Variants in H2BC12 observed in about 807,000 individuals in gnomAD.
H2BC12 encodes histone H2B type 1-K.
A neutral mutation model predicts 6.3 loss-of-function variants in H2BC12; 6 were observed. The observed-to-expected ratio is 0.95, with a 90% CI of 0.52 to 1.87. The LOEUF is 1.87. H2BC12 is among the 40% of genes most tolerant of loss of function. The pLI, the probability that H2BC12 is intolerant of heterozygous loss-of-function variation, is 0.01. For missense variants in H2BC12, 119 were observed against 178.4 expected (o/e 0.67, Z 1.90); for synonymous variants, 132 against 78.5 (o/e 1.68, Z -3.60).
downstream of H2BC12, among the ~76,000 whole-genome samples, chr6:27,142,334 G>A (rs1489222919): frequency 6.6e-6 from 1 of 152,042 alleles, no homozygotes; most frequent in Non-Finnish European, 1.5e-5. Flanking sequence ...GTACAATGGT[G>A]TGATCTCGGC....
chr6:27,145,240 T>C (rs1332182651), downstream of H2BC12, among the ~76,000 whole-genome samples: 1 of 151,670 alleles, frequency 6.6e-6, no homozygotes, highest in Non-Finnish European at 1.5e-5. Context: ...TCCAAATGCC[T>C]AAGGGCGGGC....
chr6:27,139,667 G>GC, the H2BC12 span: 15 of 1,544,584 alleles, frequency 9.7e-6, no homozygotes, highest in Non-Finnish European at 1.3e-5. Flanking sequence ...CCTTTTTAGG[G>GC]CCCCTAAGCT....
chr6:27,140,082 A>T, the H2BC12 span, among the ~76,000 whole-genome samples: 1 of 151,966 alleles, frequency 6.6e-6, no homozygotes, highest in Non-Finnish European at 1.5e-5. Flanking sequence ...AGAGCTCTGC[A>T]TGGGGGGGAG....
downstream of H2BC12, among the ~76,000 whole-genome samples, chr6:27,142,455 A>G (rs141134616): frequency 2.5e-4 from 38 of 150,584 alleles, no homozygotes; most frequent in Non-Finnish European, 4.0e-4. Context: ...TTGTATTTTA[A>G]GTAGAGACAT....
chr6:27,145,338 A>ACACACACACACAC (rs60765842), downstream of H2BC12, among the ~76,000 whole-genome samples: 1 of 148,526 alleles, frequency 6.7e-6, no homozygotes, highest in Non-Finnish European at 1.5e-5. Flanking sequence ...ACACACACAC[A>ACACACACACACAC]AAATTCCCCT....
chr6:27,139,687 AG>A, the H2BC12 span: 1 of 1,523,716 alleles, frequency 6.6e-7, no homozygotes, highest in Non-Finnish European at 8.8e-7. Flanking sequence ...TTTCAACAAA[AG>A]AGTTGAAATG....
downstream of H2BC12, among the ~76,000 whole-genome samples, chr6:27,145,007 T>C (rs1437615283): frequency 6.6e-6 from 1 of 152,116 alleles, no homozygotes; most frequent in Non-Finnish European, 1.5e-5. Context: ...ATGTTAGCCA[T>C]GCTGGTTTTG....
chr6:27,145,213 A>G (rs1284803907), downstream of H2BC12, among the ~76,000 whole-genome samples: 1 of 152,122 alleles, frequency 6.6e-6, no homozygotes, highest in East Asian at 1.9e-4. Context: ...AAGTTTTTCA[A>G]TATGACCCTG....
downstream of H2BC12, among the ~76,000 whole-genome samples, chr6:27,143,846 T>TAAAAAAAAAAAAAAAA (rs34292040): frequency 2.6e-5 from 3 of 113,626 alleles, no homozygotes; most frequent in African/African-American, 1.0e-4. Flanking sequence ...AACTACTCTT[T>TAAAAAAAAAAAAAAAA]AAAAAAAAAA....
At chr6:27,140,691 G>A in the H2BC12 span, among the ~76,000 whole-genome samples, 1 of 151,966 alleles carries the variant, frequency 6.6e-6, no homozygotes, top group South Asian at 2.1e-4. Flanking sequence ...GTGCTTGAGA[G>A]TTATTGTTTA....
At chr6:27,145,295 T>TACACAC (rs57882884), downstream of H2BC12, among the ~76,000 whole-genome samples, 16,346 of 142,530 alleles carry the variant, frequency 0.11, 1,100 homozygotes, top group Non-Finnish European at 0.16. Context: ...ATATGTTAAA[T>TACACAC]ACACACACAC....
At position 27,146,554 on chromosome 6, in the gene H2BC12, G is replaced by A; in HGVS notation, c.245C>T (p.Ala82Val). The change falls in exon 1 of 1, where the codon GCG (alanine) becomes GTG (valine). Residue 82 changes from alanine to valine, a missense_variant. This residue lies in a region of H2BC12 where 69 missense variants were observed against 141.0 expected (regional missense o/e 0.49). Transcript: ENST00000356950. ...GATGGTCGAGCGCTTGTTGTAATGC[G>A]CCAGGCGGGAAGCCTCACCCGCGAT... ...ERIAGEASRLAHYNKRSTITS... is the reference protein window; with the variant it reads ...ERIAGEASRLVHYNKRSTITS... 3 of 1,614,236 alleles carry A rather than the reference G, an allele frequency of 1.9e-6. No homozygotes were observed. Among genetic ancestry groups the A allele is most frequent in the Non-Finnish European group, 2.5e-6 (3 of 1,180,050 alleles).
At chr6:27,140,432 G>A in the H2BC12 span, among the ~76,000 whole-genome samples, 1 of 152,188 alleles carries the variant, frequency 6.6e-6, no homozygotes, top group African/African-American at 2.4e-5. Flanking sequence ...AAATATATCC[G>A]TGTTGAAATG....
chr6:27,146,564 A>T lies in H2BC12; in HGVS notation c.235T>A (p.Ser79Thr). The T allele has an allele frequency of 6.2e-7, 1 of 1,614,194 alleles. No homozygotes were observed. Among genetic ancestry groups the T allele is most frequent in the Non-Finnish European group, 8.5e-7 (1 of 1,180,036 alleles). The stretch of plus-strand genomic sequence containing the variant: ...CGCTTGTTGTAATGCGCCAGGCGGG[A>T]AGCCTCACCCGCGATGCGTTCGAAG... ...DIFERIAGEASRLAHYNKRST... is the reference protein window; with the variant it reads ...DIFERIAGEATRLAHYNKRST... Residue 79 changes from serine to threonine, a missense_variant, in exon 1 of 1, where the codon TCC (serine) becomes ACC (threonine). By Grantham distance (58) the Ser-to-Thr change is moderately conservative. Around this residue, in one of 2 missense-constraint regions of H2BC12, gnomAD observed 69 missense variants for 141.0 expected, o/e 0.49. Transcript: ENST00000356950.
chr6:27,144,948 C>T (rs1041594036), downstream of H2BC12, among the ~76,000 whole-genome samples: 3 of 152,048 alleles, frequency 2.0e-5, no homozygotes, highest in Non-Finnish European at 1.5e-5. Flanking sequence ...CACATGCTAC[C>T]ACGCCCCCCC....
chr6:27,144,221 G>A (rs1353001948), downstream of H2BC12, among the ~76,000 whole-genome samples: 2 of 152,120 alleles, frequency 1.3e-5, no homozygotes, highest in Non-Finnish European at 1.5e-5. Flanking sequence ...TAGCACTTTA[G>A]GAGGCCGAGG....
At position 27,146,611 on chromosome 6, in the gene H2BC12, A is replaced by G. The variant is rs1398175019; in HGVS notation, c.188T>C (p.Met63Thr). Residue 63 changes from methionine to threonine, a missense_variant, in exon 1 of 1, where the codon ATG becomes ACG. By Grantham distance (81) the Met-to-Thr change is moderately conservative. Transcript: ENST00000356950. Reference protein sequence around the residue: ...TGISSKAMGIMNSFVNDIFER... With the variant: ...TGISSKAMGITNSFVNDIFER... ...GAAGATGTCGTTGACGAAGGAGTTCATGATTCCCATGGCCTTAGAGGAGAT... is the reference window on the plus strand; with the variant it reads ...GAAGATGTCGTTGACGAAGGAGTTCGTGATTCCCATGGCCTTAGAGGAGAT... 1 of 1,614,140 alleles carries G rather than the reference A, an allele frequency of 6.2e-7. No individual in the cohort carries two copies. Among genetic ancestry groups the G allele is most frequent in the Non-Finnish European group, 8.5e-7 (1 of 1,180,058 alleles).
downstream of H2BC12, among the ~76,000 whole-genome samples, chr6:27,145,295 TACACACACACACACACACACACAC>T (rs57882884): frequency 1.1e-4 from 15 of 142,612 alleles, no homozygotes; most frequent in African/African-American, 3.1e-4. Context: ...ATATGTTAAA[TACACACACACACACACACACACAC>T]ACACACACAC....
At chr6:27,145,939 A>G (rs984016481), downstream of H2BC12, among the ~76,000 whole-genome samples, 1 of 152,200 alleles carries the variant, frequency 6.6e-6, no homozygotes. Context: ...AAGAGGTTAA[A>G]TAAGGTAACT....
Sources: allele counts gnomAD v4.1 joint callset (sites outside exome capture counted in the v4.1 genomes callset), GRCh38; gene constraint gnomAD v4.1.1; regional missense constraint gnomAD v4.1.1; transcripts MANE v1.5; gene names NCBI Gene and HGNC (gene_info 2026-07-23, HGNC 2026-07-21).